Variants in CCDC80 observed in about 807,000 individuals in gnomAD.
CCDC80 encodes coiled-coil domain-containing protein 80.
In CCDC80, 49 loss-of-function variants were observed where a neutral mutation model predicts 78.7. The observed-to-expected ratio is 0.62, with a 90% CI of 0.50 to 0.79. CCDC80 has a LOEUF of 0.79. Ranked by LOEUF, CCDC80 falls within the 30% of genes least tolerant of loss-of-function variation. The pLI is 0.00. For synonymous variants in CCDC80, 488 were observed against 447.0 expected (o/e 1.09, Z -1.16); for missense variants, 1,205 against 1,198.6 (o/e 1.01, Z -0.08).
intron 5 of CCDC80, among the ~76,000 whole-genome samples, chr3:112,613,677 C>A (rs1935677311): frequency 1.3e-5 from 2 of 152,080 alleles, no homozygotes; most frequent in South Asian, 4.2e-4. Flanking sequence ...TCTGTAGCTG[C>A]CAGTCTCACG....
chr3:112,639,183 C>G lies in CCDC80; in HGVS notation c.723G>C (p.Thr241=). ...ATGGATAGCGCTCCTCCACCTGCAG[C>G]GTCTTCTTCAGCAGCACCATGCCAA... The part of the protein sequence containing the change: ...GKFGMVLLKK[T]LQVEERYPYP... Residue 241 remains threonine, a synonymous_variant, in exon 2 of 8, where the codon ACG becomes ACC. Transcript: ENST00000206423. The G allele has an allele frequency of 1.2e-6, 2 of 1,614,160 alleles. No individual in the cohort carries two copies. Among genetic ancestry groups the G allele is most frequent in the Non-Finnish European group, 1.7e-6 (2 of 1,180,020 alleles).
intron 5 of CCDC80, among the ~76,000 whole-genome samples, chr3:112,616,444 G>GAAAAAAAAAA (rs1935747901): frequency 1.5e-5 from 2 of 137,394 alleles, no homozygotes; most frequent in African/African-American, 3.0e-5. Flanking sequence ...GAAAAAAAAA[G>GAAAAAAAAAA]AAAAGAAAAA....
At chr3:112,613,864 G>A (rs1935682052) in intron 5 of CCDC80, among the ~76,000 whole-genome samples, 1 of 151,336 alleles carries the variant, frequency 6.6e-6, no homozygotes, top group African/African-American at 2.4e-5. Flanking sequence ...ATATATGTTT[G>A]TATATATCTA....
chr3:112,610,872 C>T (rs558598490), intron 5 of CCDC80, among the ~76,000 whole-genome samples: 51 of 151,762 alleles, frequency 3.4e-4, no homozygotes, highest in African/African-American at 1.2e-3. Flanking sequence ...ACTCAATTCA[C>T]CAAAGTCTCA....
At chr3:112,606,599 T>G (rs370426704) in intron 7 of CCDC80, among the ~76,000 whole-genome samples, 1,724 of 146,478 alleles carry the variant, frequency 0.012, 26 homozygotes, top group African/African-American at 0.037. Flanking sequence ...CTAATTTTTG[T>G]ATTTTTAGTA....
In CCDC80 at chr3:112,639,204, G is replaced by A. The variant is rs373267183; in HGVS notation, c.702C>T (p.Gly234=). The change falls in exon 2 of 8, where the codon GGC becomes GGT. Residue 234 remains glycine (G), a synonymous_variant. Transcript: ENST00000206423. ...GCAGCGTCTTCTTCAGCAGCACCAT[G>A]CCAAACTTGCCCTTCTCCAGCTTCA... is the stretch of plus-strand genomic sequence containing the variant. ...SFLKLEKGKF[G]MVLLKKTLQV... The A allele has an allele frequency of 1.9e-6, 3 of 1,614,056 alleles. No homozygotes were observed. Among genetic ancestry groups the A allele is most frequent in the Non-Finnish European group, 2.5e-6 (3 of 1,180,044 alleles).
chr3:112,620,473 C>T (rs1935843719), intron 3 of CCDC80, among the ~76,000 whole-genome samples: 2 of 152,060 alleles, frequency 1.3e-5, no homozygotes, highest in South Asian at 4.1e-4. Context: ...AATTAATTTA[C>T]AATTATTAGA....
chr3:112,639,584 G>A lies in CCDC80; in HGVS notation c.322C>T (p.Pro108Ser). The A allele has an allele frequency of 6.2e-7, 1 of 1,614,162 alleles. No homozygotes were observed. The highest frequency in any genetic ancestry group is 1.1e-5 in the South Asian group (1 of 91,082). ...NGAAVRPEQR[P>S]AARGSPREMI... ...TCACGCGGAGAGCCCCTGGCTGCTG[G>A]TCTTTGCTCAGGTCTCACGGCGGCC... is the stretch of plus-strand genomic sequence containing the variant. Residue 108 changes from proline to serine, a missense_variant, in exon 2 of 8, where the codon CCA becomes TCA. Transcript: ENST00000206423.
rs115183283 is a variant in CCDC80, at chr3:112,636,991, A to T, written c.1878+1037T>A. Among the ~76,000 whole-genome samples, 263 of 152,292 alleles carry T rather than the reference A, an allele frequency of 1.7e-3. 2 individuals carry two copies. The highest frequency in any genetic ancestry group is 6.1e-3 in the African/African-American group (253 of 41,566). ...AAAGAGGGAAAGAGAAGACAAGAAG[A>T]GGAGAAGGAGCCATTTGCACATCAC... is the stretch of plus-strand genomic sequence containing the variant. On this transcript the variant is annotated intron_variant, in intron 2 of 7. Transcript: ENST00000206423.
intron 3 of CCDC80, among the ~76,000 whole-genome samples, chr3:112,629,240 C>T (rs1936044405): frequency 6.7e-6 from 1 of 149,534 alleles, no homozygotes; most frequent in African/African-American, 2.5e-5. Flanking sequence ...GGAAACTATG[C>T]AGAATATGCA....
Position 112,616,854 on chromosome 3 carries a change from T to C in CCDC80, c.2177A>G (p.Tyr726Cys). The stretch of plus-strand genomic sequence containing the variant: ...CTTCATTGTTATTGGTACCTCATAG[T>C]ATTGCTGTTTAAGAAAAAACAGAAT... ...LTDVDLRVKQ[Y>C]YEVPITMKSV... The change falls in exon 5 of 8, where the codon TAC (tyrosine) becomes TGC (cysteine). Residue 726 changes from tyrosine (Y) to cysteine (C), a missense_variant. Transcript: ENST00000206423. 1 of 1,613,530 alleles carries C rather than the reference T, an allele frequency of 6.2e-7. No individual in the cohort carries two copies. Among genetic ancestry groups the C allele is most frequent in the Non-Finnish European group, 8.5e-7 (1 of 1,179,934 alleles).
intron 7 of CCDC80, 70 bp downstream of exon 7, chr3:112,607,106 G>T: frequency 8.8e-7 from 1 of 1,142,020 alleles, no homozygotes; most frequent in Non-Finnish European, 1.3e-6. Context: ...CCCACTGCTT[G>T]CATATAACTT....
intron 3 of CCDC80, among the ~76,000 whole-genome samples, chr3:112,621,402 G>A (rs564330200): frequency 2.6e-5 from 4 of 152,122 alleles, no homozygotes; most frequent in East Asian, 1.9e-4. Context: ...CCCAGCATGC[G>A]TGCAAGCCCA....
chr3:112,628,347 G>A (rs1936023150), intron 3 of CCDC80, among the ~76,000 whole-genome samples: 1 of 152,034 alleles, frequency 6.6e-6, no homozygotes, highest in Non-Finnish European at 1.5e-5. Context: ...CTGTTGTGAG[G>A]GTTCTTGTGT....
At chr3:112,616,685 T>A in intron 5 of CCDC80, 25 bp downstream of exon 5, 1 of 1,613,624 alleles carries the variant, frequency 6.2e-7, no homozygotes, top group Non-Finnish European at 8.5e-7. Context: ...CACCTTCCTC[T>A]TTAGCGACTC....
Position 112,638,214 on chromosome 3 carries a change from C to G in CCDC80, c.1692G>C (p.Lys564Asn). 6.2e-7 allele frequency: 1 copy of G among 1,613,026 alleles called. No individual in the cohort carries two copies. Among genetic ancestry groups the G allele is most frequent in the Non-Finnish European group, 8.5e-7 (1 of 1,179,094 alleles). Residue 564 changes from lysine (K) to asparagine (N), a missense_variant, in exon 2 of 8, where the codon AAG becomes AAC. Lys to Asn is a moderately conservative substitution (Grantham distance 94, BLOSUM62 0). Coordinates refer to ENST00000206423, the MANE Select transcript of CCDC80 (RefSeq NM_199511.3). ...MKNENADKLL[K>N]SEKQMKKSEK... The stretch of plus-strand genomic sequence containing the variant: ...CAGACTTCTTCATTTGCTTTTCACT[C>G]TTAAGTAACTTGTCTGCGTTCTCAT...
At chr3:112,632,000 T>C (rs558637520) in intron 2 of CCDC80, among the ~76,000 whole-genome samples, 14 of 152,358 alleles carry the variant, frequency 9.2e-5, no homozygotes, top group African/African-American at 3.4e-4. Flanking sequence ...ATGCTTGTTT[T>C]AGGAACATAA....
chr3:112,604,080 A>G lies in CCDC80; in HGVS notation c.*1337T>C, dbSNP rs1029686316. 6.6e-6 allele frequency: 1 copy of G among 152,272 alleles called. No individual in the cohort carries two copies. Among genetic ancestry groups the G allele is most frequent in the Non-Finnish European group, 1.5e-5 (1 of 68,040 alleles). The allele number at this position is 152,272 out of a possible 1,614,324, so 9.4% of individuals were successfully genotyped here. ...ATAGATGAAGACTTGCTTCTTATGA[A>G]TGAACGAAGAAAGTGATTTCTTGAG... On this transcript the variant is annotated 3_prime_UTR_variant, in exon 8 of 8. Transcript: ENST00000206423.
intron 5 of CCDC80, chr3:112,610,338 T>C: frequency 4.2e-6 from 2 of 477,504 alleles, no homozygotes; most frequent in Admixed American, 6.6e-5. Context: ...GTGGTCACAA[T>C]GCCTAATGAG....
Sources: allele counts gnomAD v4.1 joint callset (sites outside exome capture counted in the v4.1 genomes callset), GRCh38; gene constraint gnomAD v4.1.1; transcripts MANE v1.5; gene names NCBI Gene and HGNC (gene_info 2026-07-23, HGNC 2026-07-21).